Variants in TRDN observed in about 807,000 individuals in gnomAD.
The protein encoded by TRDN is triadin in skeletal muscle.
Under a neutral mutation model 149.7 loss-of-function variants are expected in TRDN, and 161 were observed. That is an observed-to-expected ratio of 1.08 (90% confidence interval 0.95 to 1.23). The LOEUF (loss-of-function observed/expected upper bound fraction) is 1.23, where lower values mean the gene tolerates loss of function less well. TRDN is among the 50% of genes most tolerant of loss of function. The pLI is 0.00. For missense variants in TRDN, 896 were observed against 823.5 expected, an observed-to-expected ratio of 1.09 and a Z score of -1.08; for synonymous variants, 294 against 250.5, an observed-to-expected ratio of 1.17 and a Z score of -1.64.
At chr6:123,401,936 G>A (rs1237479852) in intron 12 of TRDN, among the ~76,000 whole-genome samples, 6 of 145,548 alleles carry the variant, frequency 4.1e-5, no homozygotes, top group Non-Finnish European at 1.5e-5. Flanking sequence ...AACGGAGCGA[G>A]ACTCCAACTC....
At chr6:123,268,454 AGT>A in intron 31 of TRDN, among the ~76,000 whole-genome samples, 2 of 152,142 alleles carry the variant, frequency 1.3e-5, no homozygotes, top group Non-Finnish European at 2.9e-5. Context: ...TGGAATTTAA[AGT>A]CAACCATATA....
intron 9 of TRDN, among the ~76,000 whole-genome samples, chr6:123,483,331 T>A (rs1458995723): frequency 1.3e-5 from 2 of 151,826 alleles, no homozygotes; most frequent in Non-Finnish European, 1.5e-5. Flanking sequence ...CTCGGTCTCC[T>A]GACCTTGTGA....
intron 26 of TRDN, among the ~76,000 whole-genome samples, chr6:123,275,535 C>T (rs780974990): frequency 2.3e-4 from 35 of 152,110 alleles, no homozygotes; most frequent in Non-Finnish European, 4.7e-4. Flanking sequence ...AAAATTTCTC[C>T]AGTTTTAAGC....
intron 38 of TRDN, among the ~76,000 whole-genome samples, chr6:123,230,401 G>A (rs575785192): frequency 5.3e-5 from 8 of 151,814 alleles, no homozygotes; most frequent in African/African-American, 1.9e-4. Flanking sequence ...GTGGGAGGAG[G>A]GGGGAGGGAT....
intron 5 of TRDN, among the ~76,000 whole-genome samples, chr6:123,523,029 G>A (rs1393023931): frequency 1.3e-5 from 2 of 152,008 alleles, no homozygotes; most frequent in East Asian, 1.9e-4. Context: ...TAGTTAGATC[G>A]ACATATACCC....
intron 12 of TRDN, among the ~76,000 whole-genome samples, chr6:123,417,581 G>T (rs1773709021): frequency 1.3e-5 from 2 of 152,178 alleles, no homozygotes; most frequent in African/African-American, 4.8e-5. Flanking sequence ...GAAGAGAAAA[G>T]AGGTTTCTTT....
At chr6:123,604,458 G>T (rs1345560839) in intron 1 of TRDN, among the ~76,000 whole-genome samples, 1 of 152,166 alleles carries the variant, frequency 6.6e-6, no homozygotes, top group African/African-American at 2.4e-5. Flanking sequence ...AAATGAAGAG[G>T]CTGGACTTCA....
intron 19 of TRDN, among the ~76,000 whole-genome samples, 178 bp downstream of exon 19, chr6:123,375,427 A>C (rs1781468873): frequency 6.6e-6 from 1 of 152,208 alleles, no homozygotes; most frequent in Non-Finnish European, 1.5e-5. Context: ...AATTTTAATA[A>C]GAATGAATTC....
At chr6:123,382,892 A>AT (rs1781774531) in intron 14 of TRDN, among the ~76,000 whole-genome samples, 1 of 152,054 alleles carries the variant, frequency 6.6e-6, no homozygotes, top group Non-Finnish European at 1.5e-5. Flanking sequence ...TTGTTTTAAG[A>AT]TTGAAGCACC....
At chr6:123,485,673 G>T (rs1487019294) in intron 9 of TRDN, among the ~76,000 whole-genome samples, 1 of 152,044 alleles carries the variant, frequency 6.6e-6, no homozygotes, top group Non-Finnish European at 1.5e-5. Flanking sequence ...GCTTATTATG[G>T]TTATTATAGT....
At chr6:123,619,008 T>C (rs1785244217) in intron 1 of TRDN, among the ~76,000 whole-genome samples, 1 of 152,160 alleles carries the variant, frequency 6.6e-6, no homozygotes, top group Admixed American at 6.6e-5. Flanking sequence ...GTATAACAAT[T>C]ATAAAATTGC....
chr6:123,407,464 C>T (rs1562298295), intron 12 of TRDN, among the ~76,000 whole-genome samples: 1 of 152,094 alleles, frequency 6.6e-6, no homozygotes, highest in African/African-American at 2.4e-5. Context: ...CTCCTTGGGG[C>T]CAACATAGTG....
chr6:123,536,580 G>C (rs1052027627), intron 4 of TRDN, among the ~76,000 whole-genome samples: 1 of 151,824 alleles, frequency 6.6e-6, no homozygotes, highest in Non-Finnish European at 1.5e-5. Context: ...GCCAGGTGCA[G>C]TATCTCACAC....
chr6:123,343,825 C>T (rs1257303625), intron 21 of TRDN, among the ~76,000 whole-genome samples: 1 of 152,132 alleles, frequency 6.6e-6, no homozygotes, highest in Admixed American at 6.6e-5. Context: ...AGTTCCTGTA[C>T]ATTCTTTCTG....
At chr6:123,576,483 ATTT>A (rs1052823394) in intron 1 of TRDN, among the ~76,000 whole-genome samples, 24 of 138,170 alleles carry the variant, frequency 1.7e-4, no homozygotes, top group African/African-American at 5.8e-4. Context: ...TTTTATTTTT[ATTT>A]TATTTATCTA....
chr6:123,378,652 T>C (rs1293026163), intron 16 of TRDN, among the ~76,000 whole-genome samples: 2 of 152,178 alleles, frequency 1.3e-5, no homozygotes, highest in Non-Finnish European at 2.9e-5. Context: ...CTCAGAAAGA[T>C]GAAGATTAGC....
intron 19 of TRDN, among the ~76,000 whole-genome samples, chr6:123,370,771 T>C (rs2114376435): frequency 6.6e-6 from 1 of 152,286 alleles, no homozygotes; most frequent in East Asian, 1.9e-4. Flanking sequence ...TATCTTGTAC[T>C]TTTAAGTACA....
At chr6:123,238,210 T>A (rs9482369) in intron 38 of TRDN, among the ~76,000 whole-genome samples, 125,458 of 152,118 alleles carry the variant, frequency 0.82, 52,352 homozygotes, top group African/African-American at 0.93. Flanking sequence ...AATGGTAAAC[T>A]ATTAAACTGG....
chr6:123,393,822 T>C (rs543410000), intron 12 of TRDN, 145 bp from the exon 13 acceptor site: 16 of 678,610 alleles, frequency 2.4e-5, no homozygotes, highest in South Asian at 1.0e-4. Context: ...CATAAACTTA[T>C]TAGAGGAATT....
Sources: allele counts gnomAD v4.1 joint callset (sites outside exome capture counted in the v4.1 genomes callset), GRCh38; gene constraint gnomAD v4.1.1; transcripts MANE v1.5; gene names NCBI Gene and HGNC (gene_info 2026-07-23, HGNC 2026-07-21).